The following TBC1D15 variants were observed in gnomAD, a reference collection of about 807,000 sequenced individuals.
TBC1D15 encodes the protein GAP for RAB7.
TBC1D15 carries 39 observed loss-of-function variants against 95.4 expected under a neutral mutation model. The observed-to-expected ratio is 0.41, with a 90% CI of 0.32 to 0.53. TBC1D15 has a LOEUF of 0.53. Among genes scored for constraint, TBC1D15 ranks in the 20% least tolerant of loss-of-function variants. The pLI is 0.29. For missense variants in TBC1D15, 733 were observed against 794.3 expected (o/e 0.92, Z 0.93); for synonymous variants, 258 against 261.3 (o/e 0.99, Z 0.12).
intron 1 of TBC1D15, chr12:71,849,325 G>T (rs1887164543): frequency 6.0e-6 from 7 of 1,162,870 alleles, no homozygotes; most frequent in Admixed American, 5.3e-5. Context: ...AGGTAAGGAG[G>T]CTATCATAGG....
chr12:71,862,235 G>C (rs1406665837), intron 1 of TBC1D15, among the ~76,000 whole-genome samples: 2 of 151,224 alleles, frequency 1.3e-5, no homozygotes, highest in Non-Finnish European at 3.0e-5. Flanking sequence ...TTTTCTTGTT[G>C]ATTTTCTGCC....
chr12:71,892,335 G>A (rs1897326695), intron 5 of TBC1D15, among the ~76,000 whole-genome samples: 1 of 151,876 alleles, frequency 6.6e-6, no homozygotes, highest in Admixed American at 6.6e-5. Flanking sequence ...GAATTGAGAA[G>A]GGATAACTGT....
intron 1 of TBC1D15, among the ~76,000 whole-genome samples, chr12:71,859,710 C>T (rs761962926): frequency 6.6e-6 from 1 of 151,984 alleles, no homozygotes; most frequent in Non-Finnish European, 1.5e-5. Context: ...CAGGTTCAAG[C>T]GATTCTTCTG....
chr12:71,887,121 GAGTA>G (rs1305681463), intron 5 of TBC1D15, among the ~76,000 whole-genome samples: 7 of 152,114 alleles, frequency 4.6e-5, no homozygotes, highest in Admixed American at 3.9e-4. Flanking sequence ...GGTATTCTGT[GAGTA>G]AGTATCATAT....
chr12:71,894,221 G>A (rs1897739146), intron 6 of TBC1D15: 1 of 890,100 alleles, frequency 1.1e-6, no homozygotes, highest in Admixed American at 2.2e-5. Context: ...AGATTAAAAT[G>A]TCAACTAATA....
At chr12:71,872,856 G>T (rs1005788797) in intron 2 of TBC1D15, 73 bp from the exon 3 acceptor site, 3 of 1,065,052 alleles carry the variant, frequency 2.8e-6, no homozygotes, top group African/African-American at 1.6e-5. Context: ...TTTTATTTTG[G>T]GTTCAGGGAA....
rs776097424 is a variant in TBC1D15 at position 71,895,989 on chromosome 12, G to A, written c.898G>A (p.Val300Ile). ...CCCTGTTGTTCAAAGGAGAGAACCG[G>A]TATCACTGGAAGAATGGACTAAGAA... ...ERPVVQRREP[V>I]SLEEWTKNID... The change falls in exon 8 of 17, where the codon GTA becomes ATA. Residue 300 changes from valine to isoleucine, a missense_variant. By Grantham distance (29) the Val-to-Ile change is conservative (BLOSUM62 3). Transcript: ENST00000485960. 11 of 1,612,722 alleles carry A rather than the reference G, an allele frequency of 6.8e-6. No homozygotes were observed. The highest frequency in any genetic ancestry group is 9.3e-6 in the Non-Finnish European group (11 of 1,179,084).
At chr12:71,914,728 A>G (rs546979687) in intron 12 of TBC1D15, among the ~76,000 whole-genome samples, 4 of 152,012 alleles carry the variant, frequency 2.6e-5, no homozygotes, top group Non-Finnish European at 4.4e-5. Flanking sequence ...CTTGCTTGCA[A>G]GGGATAAACA....
chr12:71,902,768 T>A (rs1371789124), intron 10 of TBC1D15, among the ~76,000 whole-genome samples: 1 of 152,042 alleles, frequency 6.6e-6, no homozygotes, highest in Non-Finnish European at 1.5e-5. Flanking sequence ...AAAGAAACTA[T>A]CAATCAACAG....
intron 1 of TBC1D15, among the ~76,000 whole-genome samples, chr12:71,848,239 T>C (rs1886829166): frequency 6.6e-6 from 1 of 152,246 alleles, no homozygotes. Flanking sequence ...ATATTAGTTG[T>C]GTGTGTAGCA....
intron 1 of TBC1D15, among the ~76,000 whole-genome samples, chr12:71,846,329 T>C (rs1886255666): frequency 1.3e-5 from 2 of 152,206 alleles, no homozygotes; most frequent in African/African-American, 4.8e-5. Flanking sequence ...GCATGAGACA[T>C]TTTTATCCCA....
At chr12:71,897,795 TA>T in intron 9 of TBC1D15, 51 bp from the exon 10 acceptor site, 1 of 1,409,598 alleles carries the variant, frequency 7.1e-7, no homozygotes, top group Non-Finnish European at 1.0e-6. Flanking sequence ...TAAACAGTGT[TA>T]AAAATAAAGT....
chr12:71,865,802 C>G (rs560328052), intron 1 of TBC1D15, among the ~76,000 whole-genome samples: 7 of 152,142 alleles, frequency 4.6e-5, no homozygotes, highest in Admixed American at 4.6e-4. Context: ...CTGCTCAGCT[C>G]AGGCAGGGCA....
At chr12:71,847,714 A>G (rs1365874819) in intron 1 of TBC1D15, among the ~76,000 whole-genome samples, 1 of 151,846 alleles carries the variant, frequency 6.6e-6, no homozygotes, top group Non-Finnish European at 1.5e-5. Context: ...CCCACAAATA[A>G]TATTCATTGT....
At chr12:71,872,825 T>C (rs1288982534) in intron 2 of TBC1D15, 104 bp from the exon 3 acceptor site, 1 of 716,656 alleles carries the variant, frequency 1.4e-6, no homozygotes, top group Non-Finnish European at 2.2e-6. Flanking sequence ...ATTTAAAATG[T>C]AGATATTTAA....
intron 5 of TBC1D15, among the ~76,000 whole-genome samples, chr12:71,891,778 A>G (rs997851522): frequency 2.0e-5 from 3 of 152,134 alleles, no homozygotes; most frequent in East Asian, 3.9e-4. Context: ...CAGTCATTTC[A>G]TCTTCGGATC....
chr12:71,880,545 A>C lies in TBC1D15; in HGVS notation c.281A>C (p.Tyr94Ser), dbSNP rs752683338. The stretch of plus-strand genomic sequence containing the variant: ...CGAGGATCAGAACATCTGAACAGTT[A>C]CGAAGCAGAATGGGACATGGTTAAT... ...GHRGSEHLNS[Y>S]EAEWDMVNTV... The change falls in exon 4 of 17, where the codon TAC becomes TCC. Residue 94 changes from tyrosine (Y) to serine (S), a missense_variant. By Grantham distance (144) the Tyr-to-Ser change is moderately radical (BLOSUM62 -2). Coordinates refer to ENST00000485960, the MANE Select transcript of TBC1D15 (RefSeq NM_001146213.3). The C allele has an allele frequency of 6.2e-6, 10 of 1,613,592 alleles. No homozygotes were observed. In the Admixed American group the frequency reaches 1.7e-4, roughly 27 times the overall value.
intron 11 of TBC1D15, 77 bp downstream of exon 11, chr12:71,907,215 C>A: frequency 1.2e-6 from 1 of 850,580 alleles, no homozygotes; most frequent in Non-Finnish European, 1.8e-6. Context: ...TCCAGTTAGA[C>A]ATGGGTAATA....
chr12:71,923,245 A>C lies in TBC1D15; in HGVS notation c.*41A>C. 1 of 1,593,108 alleles carries C rather than the reference A, an allele frequency of 6.3e-7. No individual in the cohort carries two copies. Among genetic ancestry groups the C allele is most frequent in the South Asian group, 1.1e-5 (1 of 90,082 alleles). ...TTTTGGGAAGAGACACTTTGTTGCA[A>C]CCCTTTTTCAAGTACTTGAAAGTTG... On this transcript the variant is annotated 3_prime_UTR_variant, in exon 17 of 17. Transcript: ENST00000485960.
Sources: gnomAD v4.1 joint callset for allele counts (sites outside exome capture counted in the v4.1 genomes callset) on GRCh38, gnomAD v4.1.1 for gene constraint, MANE v1.5 for transcripts, NCBI Gene and HGNC (gene_info 2026-07-23, HGNC 2026-07-21) for gene names.